Variants in SCLT1 observed in about 807,000 individuals in gnomAD.
SCLT1 encodes sodium channel-associated protein 1.
In SCLT1, 78 loss-of-function variants were observed where a neutral mutation model predicts 112.8. The ratio of observed to expected loss-of-function variants is 0.69; its 90% CI spans 0.58 to 0.83. The LOEUF (loss-of-function observed/expected upper bound fraction) is 0.83. Ranked by LOEUF, SCLT1 falls within the 40% of genes least tolerant of loss-of-function variation. SCLT1 has a pLI of 0.00. For synonymous variants in SCLT1, 257 were observed against 254.7 expected (o/e 1.01, Z -0.09); for missense variants, 747 against 770.4 (o/e 0.97, Z 0.36).
Position 128,946,104 on chromosome 4 carries a change from C to T in SCLT1, c.1342G>A (p.Glu448Lys). 1 of 1,609,110 alleles carries T rather than the reference C, an allele frequency of 6.2e-7. No individual in the cohort carries two copies. Among genetic ancestry groups the T allele is most frequent in the Middle Eastern group, 1.7e-4 (1 of 6,052 alleles). The change falls in exon 16 of 21, where the codon GAA becomes AAA. Residue 448 changes from glutamate (E) to lysine (K), a missense_variant. Transcript: ENST00000281142. ...GNESDYRKLE[E>K]MHQRFLVSER... is the part of the protein sequence containing the mutation. ...GAAACCAGGAATCTTTGGTGCATTTCTTCCAGTTTTCTGTAATCACTCTCA... is the reference window on the plus strand; with the variant it reads ...GAAACCAGGAATCTTTGGTGCATTTTTTCCAGTTTTCTGTAATCACTCTCA...
intron 9 of SCLT1, among the ~76,000 whole-genome samples, chr4:128,991,083 A>T (rs1742527302): frequency 6.6e-6 from 1 of 151,896 alleles, no homozygotes; most frequent in African/African-American, 2.4e-5. Context: ...AAAAATCCTA[A>T]AATTTAAAGG....
chr4:129,023,426 G>C (rs1386425085), intron 5 of SCLT1, among the ~76,000 whole-genome samples: 1 of 152,134 alleles, frequency 6.6e-6, no homozygotes, highest in East Asian at 1.9e-4. Flanking sequence ...GACACACATA[G>C]GCTCAAAATA....
chr4:128,950,325 C>T (rs1170905977), intron 14 of SCLT1, among the ~76,000 whole-genome samples: 1 of 152,088 alleles, frequency 6.6e-6, no homozygotes, highest in African/African-American at 2.4e-5. Context: ...CCACCCAATC[C>T]ACCATTTCAC....
intron 10 of SCLT1, among the ~76,000 whole-genome samples, chr4:128,969,843 T>A (rs1740536165): frequency 6.6e-6 from 1 of 152,194 alleles, no homozygotes; most frequent in Admixed American, 6.5e-5. Context: ...AATCTACCAT[T>A]ATTAGAAATC....
intron 5 of SCLT1, among the ~76,000 whole-genome samples, chr4:129,018,202 G>A (rs796310225): frequency 6.6e-6 from 1 of 152,152 alleles, no homozygotes. Context: ...TTTAGGTATC[G>A]TACAAGTGGT....
chr4:128,937,829 C>T (rs1200917852), intron 17 of SCLT1, among the ~76,000 whole-genome samples: 1 of 152,184 alleles, frequency 6.6e-6, no homozygotes, highest in Non-Finnish European at 1.5e-5. Context: ...ACCCTAGAAG[C>T]TTTCTCTGCT....
At chr4:129,025,424 C>T (rs1178507987) in intron 5 of SCLT1, among the ~76,000 whole-genome samples, 6 of 152,138 alleles carry the variant, frequency 3.9e-5, no homozygotes, top group Admixed American at 6.5e-5. Flanking sequence ...AATTTTCAAC[C>T]CAGAATTTCA....
At chr4:128,944,262 T>C (rs901474017) in intron 16 of SCLT1, among the ~76,000 whole-genome samples, 1 of 152,112 alleles carries the variant, frequency 6.6e-6, no homozygotes, top group East Asian at 1.9e-4. Flanking sequence ...AAATGACATA[T>C]CTAGGGAATG....
Position 128,959,737 on chromosome 4 carries a change from C to A in SCLT1, c.910G>T (p.Glu304Ter). 6.2e-7 allele frequency: 1 copy of A among 1,613,392 alleles called. No individual in the cohort carries two copies. The highest frequency in any genetic ancestry group is 8.5e-7 in the Non-Finnish European group (1 of 1,179,672). Residue 304 changes from glutamate to a stop codon, truncating the protein, a stop_gained, in exon 12 of 21, where the codon GAA becomes TAA. Coordinates refer to ENST00000281142, the MANE Select transcript of SCLT1 (RefSeq NM_144643.4). LOFTEE classifies it high-confidence loss of function. ...GTCTGTTTTTCCAGATGTGTATTTT[C>A]GGTTCTTAATTGGTTGGCTTCTTGG... ...TIQEANQLRTENTHLEKQTRE... is the reference protein window; with the variant it reads ...TIQEANQLRT
intron 18 of SCLT1, among the ~76,000 whole-genome samples, chr4:128,905,547 A>C (rs983677078): frequency 2.0e-5 from 3 of 151,990 alleles, no homozygotes; most frequent in Non-Finnish European, 2.9e-5. Context: ...TTAAAATAGT[A>C]CTACTTAAAC....
At chr4:128,967,649 C>G (rs758487885) in intron 10 of SCLT1, among the ~76,000 whole-genome samples, 2 of 152,060 alleles carry the variant, frequency 1.3e-5, no homozygotes, top group Admixed American at 1.3e-4. Flanking sequence ...ACATGTATAT[C>G]TTCTTTTGAA....
In SCLT1 at chr4:129,044,035, C is replaced by G. The variant is rs1259608509; in HGVS notation, c.119G>C (p.Gly40Ala). 3 of 1,567,806 alleles carry G rather than the reference C, an allele frequency of 1.9e-6. No homozygotes were observed. Among genetic ancestry groups the G allele is most frequent in the Non-Finnish European group, 2.6e-6 (3 of 1,143,748 alleles). ...GTTTTCAAATGTGTCGTCTCCTTCT[C>G]CTTGGCAGACAGCTTTCTATAAAAG... is the stretch of plus-strand genomic sequence containing the variant. ...YSSVQKAVCQ[G>A]EGDDTFENLV... Residue 40 changes from glycine to alanine, a missense_variant, in exon 3 of 21, where the codon GGA becomes GCA. Physicochemically the swap from Gly to Ala is moderately conservative, Grantham distance 60. Around this residue, in one of 2 missense-constraint regions of SCLT1, gnomAD observed 723 missense variants for 721.3 expected, o/e 1.00. Coordinates refer to ENST00000281142, the MANE Select transcript of SCLT1 (RefSeq NM_144643.4).
intron 5 of SCLT1, among the ~76,000 whole-genome samples, chr4:129,030,441 A>C (rs534015940): frequency 6.6e-6 from 1 of 152,318 alleles, no homozygotes; most frequent in South Asian, 2.1e-4. Context: ...AGCTAGCAGA[A>C]GACAATGAAT....
chr4:129,055,808 G>A (rs11945797), intron 2 of SCLT1, among the ~76,000 whole-genome samples: 2,287 of 149,228 alleles, frequency 0.015, 49 homozygotes, highest in African/African-American at 0.045. Context: ...GGTTCCAGGC[G>A]CCACTGGCAT....
At chr4:128,979,383 G>A (rs1428071026) in intron 9 of SCLT1, among the ~76,000 whole-genome samples, 1 of 152,138 alleles carries the variant, frequency 6.6e-6, no homozygotes, top group South Asian at 2.1e-4. Context: ...AATGGGATTA[G>A]TGCCCTCATA....
At chr4:128,952,105 A>G (rs1738800538) in intron 14 of SCLT1, among the ~76,000 whole-genome samples, 1 of 152,208 alleles carries the variant, frequency 6.6e-6, no homozygotes, top group Non-Finnish European at 1.5e-5. Context: ...GGAGAGAGAC[A>G]GAGTGTGTAT....
intron 9 of SCLT1, chr4:128,970,685 T>A (rs1425245231): frequency 2.1e-6 from 1 of 480,856 alleles, no homozygotes; most frequent in Non-Finnish European, 3.7e-6. Context: ...GGGTATGAAG[T>A]AGAGGTCATG....
At chr4:128,952,748 T>C (rs1357644897) in intron 14 of SCLT1, 21 bp downstream of exon 14, 1 of 1,245,128 alleles carries the variant, frequency 8.0e-7, no homozygotes, top group Non-Finnish European at 1.2e-6. Context: ...TGGAAGAAAA[T>C]ATCAGTATAG....
At chr4:128,917,205 T>A (rs1331577264) in intron 18 of SCLT1, among the ~76,000 whole-genome samples, 2 of 152,300 alleles carry the variant, frequency 1.3e-5, no homozygotes, top group Admixed American at 6.5e-5. Context: ...TGGTCCTGTG[T>A]GGTGTGCTGT....
Sources: allele counts gnomAD v4.1 joint callset (sites outside exome capture counted in the v4.1 genomes callset), GRCh38; gene constraint gnomAD v4.1.1; regional missense constraint gnomAD v4.1.1; transcripts MANE v1.5; gene names NCBI Gene and HGNC (gene_info 2026-07-23, HGNC 2026-07-21).